The following GLDC variants were observed in gnomAD, a reference collection of about 807,000 sequenced individuals.
The protein encoded by GLDC is glycine dehydrogenase (decarboxylating), mitochondrial.
A neutral mutation model predicts 121.3 loss-of-function variants in GLDC; 104 were observed. The observed-to-expected ratio is 0.86, with a 90% CI of 0.73 to 1.01. GLDC has a LOEUF of 1.01. GLDC is among the 50% of genes least tolerant of loss of function. The pLI is 0.00. For missense variants in GLDC, 1,429 were observed against 1,306.6 expected, an observed-to-expected ratio of 1.09 and a Z score of -1.44; for synonymous variants, 546 against 480.6, an observed-to-expected ratio of 1.14 and a Z score of -1.78.
intron 5 of GLDC, chr9:6,605,513 C>CT: frequency 1.7e-6 from 1 of 575,366 alleles, no homozygotes; most frequent in Non-Finnish European, 3.2e-6. Context: ...CCCCTTTGCC[C>CT]TTTCCTGTCA....
chr9:6,593,182 A>C (rs1360810736), intron 9 of GLDC, 192 bp from the exon 10 acceptor site: 6 of 601,868 alleles, frequency 1.0e-5, no homozygotes, highest in Non-Finnish European at 1.5e-5. Context: ...TACATATAAA[A>C]GAGTAAGGAA....
Position 6,605,094 on chromosome 9 carries a change from C to T in GLDC, c.861+37G>A, listed in dbSNP as rs141610980. On this transcript the variant is annotated intron_variant, in intron 6 of 24. Transcript: ENST00000321612. ...AGGTAGACAGATACAAGTTGGGATA[C>T]GCCTCCACGGACCCCCCACAAGAAA... 1,267 of 1,584,616 alleles carry T rather than the reference C, an allele frequency of 8.0e-4. 26 individuals are homozygous for T. In the East Asian group the frequency reaches 0.023, roughly 29 times the overall value.
chr9:6,589,695 G>C (rs1488329539), intron 11 of GLDC, among the ~76,000 whole-genome samples: 2 of 152,118 alleles, frequency 1.3e-5, no homozygotes, highest in South Asian at 4.1e-4. Context: ...CCAAAGTGCT[G>C]GGATTACAGT....
At chr9:6,571,088 AAAT>A (rs1817956836) in intron 15 of GLDC, among the ~76,000 whole-genome samples, 1 of 152,078 alleles carries the variant, frequency 6.6e-6, no homozygotes, top group Non-Finnish European at 1.5e-5. Context: ...TCCTCCCCCA[AAAT>A]AATGATTTTC....
chr9:6,538,485 T>C (rs1320282793), intron 22 of GLDC, among the ~76,000 whole-genome samples: 2 of 152,258 alleles, frequency 1.3e-5, no homozygotes, highest in Non-Finnish European at 2.9e-5. Flanking sequence ...CTTTAAGACC[T>C]GGAAACTGTG....
chr9:6,636,258 C>T (rs1008097136), intron 2 of GLDC, among the ~76,000 whole-genome samples: 15 of 150,986 alleles, frequency 9.9e-5, no homozygotes, highest in African/African-American at 3.4e-4. Context: ...GATCTGAGAT[C>T]GTGCCACTGT....
At position 6,536,244 on chromosome 9, in the gene GLDC, G is replaced by T. The variant is rs771178748; in HGVS notation, c.2666-8C>A. 2.2e-5 allele frequency: 35 copies of T among 1,612,274 alleles called. No individual in the cohort carries two copies. In the South Asian group the frequency reaches 3.7e-4, roughly 17 times the overall value. On this transcript the variant is annotated splice_polypyrimidine_tract_variant and splice_region_variant and intron_variant, in intron 22 of 24. Coordinates refer to ENST00000321612, the MANE Select transcript of GLDC (RefSeq NM_000170.3). ...TGGTAGGGGCGTGAAATCCTGCAAA[G>T]GGAGACAGGAGAACTTGCCTCACTG...
intron 4 of GLDC, among the ~76,000 whole-genome samples, chr9:6,608,380 C>T (rs1378014266): frequency 6.7e-6 from 1 of 148,414 alleles, no homozygotes; most frequent in Non-Finnish European, 1.5e-5. Flanking sequence ...CGAGATAGCG[C>T]CAGTGCACTC....
At chr9:6,556,846 G>T (rs987521558) in intron 17 of GLDC, among the ~76,000 whole-genome samples, 7 of 152,024 alleles carry the variant, frequency 4.6e-5, no homozygotes. Context: ...TTTCAGGCTA[G>T]GTCTCTATGG....
At chr9:6,618,946 A>C (rs1255892387) in intron 3 of GLDC, among the ~76,000 whole-genome samples, 1 of 151,954 alleles carries the variant, frequency 6.6e-6, no homozygotes, top group African/African-American at 2.4e-5. Flanking sequence ...GTTCAAGACC[A>C]GCCTGGCCAA....
chr9:6,549,628 T>C (rs74627428), intron 21 of GLDC, among the ~76,000 whole-genome samples: 7,348 of 152,148 alleles, frequency 0.048, 209 homozygotes, highest in South Asian at 0.068. Context: ...AGCTATTAGG[T>C]CCTGAGCCCA....
intron 2 of GLDC, among the ~76,000 whole-genome samples, chr9:6,626,240 G>T (rs1819234698): frequency 6.6e-6 from 1 of 152,184 alleles, no homozygotes; most frequent in Non-Finnish European, 1.5e-5. Flanking sequence ...CACCTCCTGA[G>T]AAGGAGTAGA....
At position 6,645,421 on chromosome 9, in the gene GLDC, C is replaced by T; in HGVS notation, c.79G>A (p.Gly27Arg). The T allele has an allele frequency of 7.5e-7, 1 of 1,339,430 alleles. No individual in the cohort carries two copies. The highest frequency in any genetic ancestry group is 3.1e-5 in the East Asian group (1 of 32,274). The allele number at this position is 1,339,430 out of a possible 1,614,324, so 83.0% of individuals were successfully genotyped here. Residue 27 changes from glycine to arginine, a missense_variant, in exon 1 of 25, where the codon GGG becomes AGG. Transcript: ENST00000321612. Reference sequence around the variant, plus strand: ...CGGCTCCGCGGCGCCCAGCACGGCCCCGATCCCCCAGCCAGGCGGCGGCCG... The same window carrying T: ...CGGCTCCGCGGCGCCCAGCACGGCCTCGATCCCCCAGCCAGGCGGCGGCCG... Reference protein sequence around the residue: ...GGGRRLAGGSGPCWAPRSRDS... With the variant: ...GGGRRLAGGSRPCWAPRSRDS...
chr9:6,603,359 G>T lies in GLDC; in HGVS notation c.1059-1154C>A, dbSNP rs113808698. On this transcript the variant is annotated intron_variant, in intron 7 of 24. Transcript: ENST00000321612. Reference sequence around the variant, plus strand: ...GGCCAGGCATGGTGGCTTACACCTGGTAATCCGAGCATTTTGGGAGGCTGG... The same window carrying T: ...GGCCAGGCATGGTGGCTTACACCTGTTAATCCGAGCATTTTGGGAGGCTGG... Among the ~76,000 whole-genome samples, 636 of 152,102 alleles carry T rather than the reference G, an allele frequency of 4.2e-3. 9 individuals carry two copies. Among genetic ancestry groups the T allele is most frequent in the African/African-American group, 0.015 (617 of 41,476 alleles).
At chr9:6,614,055 G>A (rs1818917187) in intron 3 of GLDC, among the ~76,000 whole-genome samples, 1 of 151,940 alleles carries the variant, frequency 6.6e-6, no homozygotes, top group Non-Finnish European at 1.5e-5. Flanking sequence ...GGGATTACAG[G>A]CGTGAGTCAT....
rs1357448739 is a variant in GLDC at position 6,558,041 on chromosome 9, G to A, written c.2052+518C>T. 1.8e-5 allele frequency: 4 copies of A among 217,260 alleles called. No homozygotes were observed. In the East Asian group the frequency reaches 4.4e-4, roughly 24 times the overall value. 13.5% of individuals were successfully genotyped at this position (217,260 alleles called of 1,614,324 possible). On this transcript the variant is annotated intron_variant, in intron 17 of 24. Coordinates refer to ENST00000321612, the MANE Select transcript of GLDC (RefSeq NM_000170.3). Reference sequence around the variant, plus strand: ...CACTGGTTTCCTTCCCGCTTAAGATGCAGCTGCCAGTCCGCTGGTGGGAAG... The same window carrying A: ...CACTGGTTTCCTTCCCGCTTAAGATACAGCTGCCAGTCCGCTGGTGGGAAG...
At chr9:6,552,191 G>C (rs1312933184) in intron 20 of GLDC, among the ~76,000 whole-genome samples, 1 of 152,168 alleles carries the variant, frequency 6.6e-6, no homozygotes, top group African/African-American at 2.4e-5. Flanking sequence ...CCTGAAATAA[G>C]AGAAGGCCCA....
intron 3 of GLDC, among the ~76,000 whole-genome samples, chr9:6,611,473 T>G (rs577246746): frequency 3.9e-5 from 6 of 152,158 alleles, no homozygotes; most frequent in South Asian, 2.1e-4. Flanking sequence ...GGAGAATCGC[T>G]TGAACCCGCG....
rs777954190 is a variant in GLDC at position 6,620,297 on chromosome 9, A to G, written c.357T>C (p.Thr119=). The change falls in exon 3 of 25, where the codon ACT becomes ACC. Residue 119 remains threonine (T), a synonymous_variant. Coordinates refer to ENST00000321612, the MANE Select transcript of GLDC (RefSeq NM_000170.3). ...GGTTTTTGCTTGAAATGGCATGCAG[A>G]GTTGCAAGGATTTCATTTTCACCTA... ...DPVCENEILA[T]LHAISSKNQI... 7.4e-6 allele frequency: 12 copies of G among 1,613,712 alleles called. No individual in the cohort carries two copies. Among genetic ancestry groups the G allele is most frequent in the Middle Eastern group, 1.6e-4 (1 of 6,062 alleles).
Sources: allele counts gnomAD v4.1 joint callset (sites outside exome capture counted in the v4.1 genomes callset), GRCh38; gene constraint gnomAD v4.1.1; transcripts MANE v1.5; gene names NCBI Gene and HGNC (gene_info 2026-07-23, HGNC 2026-07-21).